The following F8 variants were observed in gnomAD, a reference collection of about 807,000 sequenced individuals.
F8 encodes antihemophilic factor.
F8 carries 12 observed loss-of-function variants against 140.6 expected under a neutral mutation model. The ratio of observed to expected loss-of-function variants is 0.09; its 90% CI spans 0.05 to 0.14. F8 has a LOEUF of 0.14. Among genes scored for constraint, F8 ranks in the 10% least tolerant of loss-of-function variants. The pLI is 1.00. For synonymous variants in F8, 585 were observed against 614.6 expected, an observed-to-expected ratio of 0.95 and a Z score of 0.71; for missense variants, 1,354 against 1,720.7, an observed-to-expected ratio of 0.79 and a Z score of 3.77.
chrX:154,845,661 C>T (rs1305755756), intron 25 of F8, among the ~76,000 whole-genome samples: 18 of 109,222 alleles, frequency 1.6e-4, no homozygotes, highest in African/African-American at 4.3e-4. Flanking sequence ...TTTTTTATTG[C>T]GTCTATTTGA....
chrX:154,949,808 G>A (rs140173050), intron 12 of F8, among the ~76,000 whole-genome samples: 1,256 of 108,275 alleles, frequency 0.012, 6 homozygotes, highest in Non-Finnish European at 0.019. Context: ...CGGTCTGTCT[G>A]CCAGTCTGGA....
In F8 at chrX:154,863,111, G is replaced by T. The variant is rs782460623; in HGVS notation, c.6546C>A (p.Arg2182=). 11 of 1,211,016 alleles carry T rather than the reference G, an allele frequency of 9.1e-6. No homozygotes were observed. The highest frequency in any genetic ancestry group is 5.2e-5 in the African/African-American group (3 of 57,756). ...PTHYSIRSTL[R]MELMGCDLNS... is the part of the protein sequence containing the mutation. ...TTAAATCACAGCCCATCAACTCCAT[G>T]CGAAGAGTGCTGCGAATGCTATAAT... Residue 2182 remains arginine (R), a synonymous_variant, in exon 23 of 26, where the codon CGC becomes CGA. Transcript: ENST00000360256.
At chrX:154,927,888 T>C (rs1450975047) in intron 14 of F8, among the ~76,000 whole-genome samples, 1 of 112,112 alleles carries the variant, frequency 8.9e-6, no homozygotes, top group Admixed American at 9.4e-5. Context: ...TCCTCAAAGA[T>C]GATTTCTATG....
intron 25 of F8, among the ~76,000 whole-genome samples, chrX:154,853,025 CTTTTAAT>C (rs1314744815): frequency 1.8e-4 from 20 of 111,768 alleles, no homozygotes; most frequent in Non-Finnish European, 2.8e-4. Flanking sequence ...TTTAATTTCT[CTTTTAAT>C]TTTTAATTTT....
intron 14 of F8, chrX:154,919,801 T>C (rs1165123999): frequency 2.7e-5 from 8 of 295,634 alleles, no homozygotes; most frequent in African/African-American, 1.1e-4. Context: ...TCACTGTTTG[T>C]AGTATCTCAT....
At chrX:154,934,918 C>A (rs782120593) in intron 13 of F8, among the ~76,000 whole-genome samples, 1 of 111,532 alleles carries the variant, frequency 9.0e-6, no homozygotes, top group African/African-American at 3.3e-5. Context: ...AATCCCAGCA[C>A]TTTGGGAAGC....
intron 22 of F8, among the ~76,000 whole-genome samples, chrX:154,892,567 A>G (rs1386246826): frequency 2.7e-5 from 3 of 112,532 alleles, no homozygotes; most frequent in African/African-American, 9.7e-5. Context: ...TCTTGAATAT[A>G]TTAGCAACAT....
intron 22 of F8, among the ~76,000 whole-genome samples, chrX:154,874,642 G>GT (rs1557273854): frequency 8.9e-6 from 1 of 111,969 alleles, no homozygotes; most frequent in Non-Finnish European, 1.9e-5. Context: ...TCCAACACAT[G>GT]TTTTTTGGGG....
chrX:154,866,307 A>G (rs2072731076), intron 22 of F8, among the ~76,000 whole-genome samples: 1 of 111,920 alleles, frequency 8.9e-6, no homozygotes, highest in Non-Finnish European at 1.9e-5. Flanking sequence ...GTTGACTTCA[A>G]TACTCCACTC....
intron 22 of F8, among the ~76,000 whole-genome samples, chrX:154,891,423 A>T (rs782240676): frequency 2.7e-5 from 3 of 113,105 alleles, no homozygotes; most frequent in Non-Finnish European, 3.7e-5. Flanking sequence ...AACAGTGAAC[A>T]TTATATTAAA....
chrX:154,936,151 G>A (rs1431999969), intron 13 of F8, among the ~76,000 whole-genome samples: 3 of 110,662 alleles, frequency 2.7e-5, no homozygotes, highest in South Asian at 3.8e-4. Context: ...ACAATGGAGC[G>A]GCATTTTTAA....
At chrX:154,914,067 G>T (rs782287485) in intron 14 of F8, among the ~76,000 whole-genome samples, 1 of 113,043 alleles carries the variant, frequency 8.8e-6, no homozygotes, top group African/African-American at 3.2e-5. Context: ...CTGAAATCTA[G>T]GTGGACATTC....
intron 9 of F8, 48 bp downstream of exon 9, chrX:154,965,922 T>G: frequency 8.5e-7 from 1 of 1,171,732 alleles, no homozygotes; most frequent in Non-Finnish European, 1.2e-6. Context: ...CTCAAAACTC[T>G]CCAGACTTTT....
chrX:155,021,002 G>A (rs2073757651), intron 1 of F8, among the ~76,000 whole-genome samples: 1 of 111,963 alleles, frequency 8.9e-6, no homozygotes, highest in Non-Finnish European at 1.9e-5. Flanking sequence ...AAAAGCACCA[G>A]TATGTAATGA....
intron 3 of F8, among the ~76,000 whole-genome samples, chrX:154,994,135 C>A (rs1308141180): frequency 2.7e-5 from 3 of 112,306 alleles, no homozygotes; most frequent in Non-Finnish European, 3.8e-5. Context: ...TATTTGTGTT[C>A]TTTTTCATGT....
Position 155,015,397 on chromosome X carries a change from G to T in F8, c.143+7013C>A, listed in dbSNP as rs782317836. Reference sequence around the variant, plus strand: ...TTCCACTATTTGAAAGACACCATTTGGAAAATGAAAATGCAAGCCATAGAT... The same window carrying T: ...TTCCACTATTTGAAAGACACCATTTTGAAAATGAAAATGCAAGCCATAGAT... On this transcript the variant is annotated intron_variant, in intron 1 of 25. Coordinates refer to ENST00000360256, the MANE Select transcript of F8 (RefSeq NM_000132.4). Among the ~76,000 whole-genome samples, 368 of 111,568 alleles carry T rather than the reference G, an allele frequency of 3.3e-3. 2 individuals are homozygous for T. Among genetic ancestry groups the T allele is most frequent in the African/African-American group, 0.012 (356 of 30,713 alleles).
In F8 at chrX:154,862,314, C is replaced by T. The variant is rs139693424; in HGVS notation, c.6575-448G>A. Among the ~76,000 whole-genome samples the T allele has an allele frequency of 1.2e-3, 137 of 112,088 alleles. 3 individuals carry two copies. Among genetic ancestry groups the T allele is most frequent in the Middle Eastern group, 9.1e-3 (2 of 219 alleles). On this transcript the variant is annotated intron_variant, in intron 23 of 25. Coordinates refer to ENST00000360256, the MANE Select transcript of F8 (RefSeq NM_000132.4). ...GTGCTGGGATTACAGGTGTGAGCCA[C>T]CACGCCCGGCCAATTCTGTTATTGC...
intron 13 of F8, among the ~76,000 whole-genome samples, chrX:154,942,429 A>C (rs1342540343): frequency 1.8e-5 from 2 of 109,349 alleles, no homozygotes; most frequent in Admixed American, 9.7e-5. Flanking sequence ...GAAATGGATA[A>C]ATTCCTCGAC....
At chrX:154,952,784 C>T (rs979622971) in intron 12 of F8, among the ~76,000 whole-genome samples, 14 of 111,298 alleles carry the variant, frequency 1.3e-4, no homozygotes, top group South Asian at 3.8e-4. Context: ...CCTCGTGATC[C>T]GCCTGCCTCG....
Sources: allele counts gnomAD v4.1 joint callset (sites outside exome capture counted in the v4.1 genomes callset), GRCh38; gene constraint gnomAD v4.1.1; transcripts MANE v1.5; gene names NCBI Gene and HGNC (gene_info 2026-07-23, HGNC 2026-07-21).